USP25: variants seen among roughly 807,000 people sequenced by gnomAD.
USP25 encodes ubiquitin specific peptidase 25.
Under a neutral mutation model 158.5 loss-of-function variants are expected in USP25, and 85 were observed. The observed-to-expected ratio is 0.54, with a 90% confidence interval of 0.45 to 0.64. USP25 has a LOEUF of 0.64. USP25 is among the 30% of genes least tolerant of loss of function. USP25 has a pLI of 0.00. For missense variants in USP25, 1,242 were observed against 1,327.3 expected (o/e 0.94, Z 1.00); for synonymous variants, 464 against 460.4 (o/e 1.01, Z -0.10).
At position 15,849,775 on chromosome 21, in the gene USP25, A is replaced by G. The variant is rs2038798383; in HGVS notation, c.2452-2A>G. ...TTTAATGTTAACTATCTTCTGTGGC[A>G]GATCATGATGACACCGAACATGCAA... On this transcript the variant is annotated splice_acceptor_variant, in intron 19 of 25. Transcript: ENST00000400183. LOFTEE classifies it high-confidence loss of function. 1 of 1,526,062 alleles carries G rather than the reference A, an allele frequency of 6.6e-7. No homozygotes were observed. The highest frequency in any genetic ancestry group is 8.8e-7 in the Non-Finnish European group (1 of 1,138,414). 94.5% of individuals were successfully genotyped at this position (1,526,062 alleles called of 1,614,324 possible).
chr21:15,843,804 A>C lies in USP25; in HGVS notation c.2337+1264A>C, dbSNP rs1214072301. On this transcript the variant is annotated intron_variant, in intron 18 of 25. Coordinates refer to ENST00000400183, the MANE Select transcript of USP25 (RefSeq NM_001283041.3). The surrounding 1 kb of genome is among the most constrained non-coding windows in gnomAD (Gnocchi z 4.0). ...TTTGTCTGACAAAAACTGCATTTGC[A>C]AGGCCTCTGCTAATTAGAACTTTTA... is the stretch of plus-strand genomic sequence containing the variant. 6.6e-6 allele frequency among the ~76,000 whole-genome samples: 1 copy of C among 152,188 alleles called. No homozygotes were observed. Among genetic ancestry groups the C allele is most frequent in the Non-Finnish European group, 1.5e-5 (1 of 68,012 alleles).
intron 8 of USP25, among the ~76,000 whole-genome samples, chr21:15,810,501 T>C (rs917550496): frequency 6.6e-6 from 1 of 152,200 alleles, no homozygotes; most frequent in Non-Finnish European, 1.5e-5. Context: ...TTTCAACTTT[T>C]GTTTGCTCCA....
Position 15,826,331 on chromosome 21 carries a change from C to G in USP25, c.1432C>G (p.Pro478Ala). ...PVDDIDASSP[P>A]SGSIPSQTLP... is the part of the protein sequence containing the mutation. Reference sequence around the variant, plus strand: ...TGACGATATTGACGCTAGTTCCCCACCTAGTGGTTCCATACCATCACAGAC... The same window carrying G: ...TGACGATATTGACGCTAGTTCCCCAGCTAGTGGTTCCATACCATCACAGAC... Residue 478 changes from proline (P) to alanine (A), a missense_variant, in exon 13 of 26, where the codon CCT (proline) becomes GCT (alanine). Pro to Ala is a conservative substitution (Grantham distance 27). Around this residue, in one of 3 missense-constraint regions of USP25, gnomAD observed 627 missense variants for 701.4 expected, o/e 0.89. Coordinates refer to ENST00000400183, the MANE Select transcript of USP25 (RefSeq NM_001283041.3). The surrounding 1 kb of genome is among the most constrained non-coding windows in gnomAD (Gnocchi z 4.8). 6.2e-7 allele frequency: 1 copy of G among 1,613,988 alleles called. No homozygotes were observed. The highest frequency in any genetic ancestry group is 8.5e-7 in the Non-Finnish European group (1 of 1,179,920).
chr21:15,764,121 A>G (rs2033896708), intron 2 of USP25, among the ~76,000 whole-genome samples: 1 of 152,160 alleles, frequency 6.6e-6, no homozygotes, highest in Non-Finnish European at 1.5e-5. Context: ...CACTGTAAGT[A>G]TTTGGAGAGG....
intron 20 of USP25, among the ~76,000 whole-genome samples, chr21:15,853,650 T>C (rs948506730): frequency 1.3e-5 from 2 of 152,236 alleles, no homozygotes; most frequent in African/African-American, 4.8e-5. Context: ...ATTCAAATGC[T>C]TACTGTTTAA....
intron 3 of USP25, among the ~76,000 whole-genome samples, chr21:15,775,081 T>G (rs2034559836): frequency 6.6e-6 from 1 of 152,208 alleles, no homozygotes; most frequent in Non-Finnish European, 1.5e-5. Flanking sequence ...GACTTAAATT[T>G]TGAAGCCTGT....
At chr21:15,840,711 T>C (rs76134316) in intron 17 of USP25, among the ~76,000 whole-genome samples, 1,758 of 152,302 alleles carry the variant, frequency 0.012, 35 homozygotes, top group African/African-American at 0.041. Context: ...CATGTGTTGA[T>C]CAGATAACAT....
intron 9 of USP25, among the ~76,000 whole-genome samples, chr21:15,817,497 A>G (rs966621053): frequency 5.3e-5 from 8 of 152,170 alleles, no homozygotes; most frequent in Non-Finnish European, 1.2e-4. Flanking sequence ...AGATTTAACC[A>G]TTCAGTGACT....
intron 3 of USP25, among the ~76,000 whole-genome samples, chr21:15,776,972 C>A (rs1048377642): frequency 6.3e-4 from 96 of 152,132 alleles, no homozygotes; most frequent in African/African-American, 2.1e-3. Flanking sequence ...TATTTTGTAA[C>A]CTGTTACCAC....
chr21:15,730,974 C>CTTTTTTTTTTTTTTTTTTT (rs1420306163), intron 1 of USP25, among the ~76,000 whole-genome samples: 1 of 60,346 alleles, frequency 1.7e-5, no homozygotes, highest in African/African-American at 7.7e-5. Context: ...TTCTTCTTTT[C>CTTTTTTTTTTTTTTTTTTT]TGTTTTTTTT....
chr21:15,856,088 A>G lies in USP25; in HGVS notation c.2547+6216A>G, dbSNP rs563020036. On this transcript the variant is annotated intron_variant, in intron 20 of 25. Transcript: ENST00000400183. ...GGTATTGCCTGTTTATATGCAGGGCATTGTCCTAAATCCAGGGATGTAGCT... is the reference window on the plus strand; with the variant it reads ...GGTATTGCCTGTTTATATGCAGGGCGTTGTCCTAAATCCAGGGATGTAGCT... Among the ~76,000 whole-genome samples the G allele has an allele frequency of 1.6e-4, 25 of 152,284 alleles. No homozygotes were observed. In the South Asian group the frequency reaches 4.4e-3, roughly 27 times the overall value.
chr21:15,867,096 G>A (rs538731517), intron 22 of USP25, among the ~76,000 whole-genome samples: 2 of 152,096 alleles, frequency 1.3e-5, no homozygotes, highest in African/African-American at 4.8e-5. Context: ...GTGCTTGTGG[G>A]ATTTTTTTGT....
rs959395409 is a variant in USP25, at chr21:15,878,666, A to C, written c.*191A>C. 3 of 488,834 alleles carry C rather than the reference A, an allele frequency of 6.1e-6. No individual in the cohort carries two copies. Among genetic ancestry groups the C allele is most frequent in the African/African-American group, 6.0e-5 (3 of 50,270 alleles). 30.3% of individuals were successfully genotyped at this position (488,834 alleles called of 1,614,324 possible). ...TAAAGCTGAAAATCGCATGGCGCTC[A>C]GACATTTTAACCGGAACTGATGTAT... On this transcript the variant is annotated 3_prime_UTR_variant, in exon 26 of 26. Coordinates refer to ENST00000400183, the MANE Select transcript of USP25 (RefSeq NM_001283041.3).
chr21:15,762,806 G>A (rs1375850781), intron 1 of USP25, 85 bp from the exon 2 acceptor site: 1 of 1,275,088 alleles, frequency 7.8e-7, no homozygotes, highest in Middle Eastern at 2.0e-4. Flanking sequence ...TGTTTGTTTT[G>A]GAAAACCAAA....
chr21:15,856,129 T>G (rs545051178), intron 20 of USP25, among the ~76,000 whole-genome samples: 6 of 152,238 alleles, frequency 3.9e-5, no homozygotes, highest in Non-Finnish European at 8.8e-5. Context: ...AATGATGGAC[T>G]GAGTTCCTAC....
chr21:15,809,852 AACAT>A (rs754529541), intron 8 of USP25, among the ~76,000 whole-genome samples: 1 of 152,194 alleles, frequency 6.6e-6, no homozygotes, highest in Non-Finnish European at 1.5e-5. Context: ...CATATGGTGT[AACAT>A]GACCCCTTGA....
chr21:15,860,095 T>C (rs1338144287), intron 20 of USP25, among the ~76,000 whole-genome samples: 1 of 151,464 alleles, frequency 6.6e-6, no homozygotes, highest in African/African-American at 2.4e-5. Context: ...TTCAAGTGAT[T>C]CTCCTGCCTC....
chr21:15,806,598 A>G (rs972624049), intron 7 of USP25, among the ~76,000 whole-genome samples: 1 of 152,150 alleles, frequency 6.6e-6, no homozygotes, highest in African/African-American at 2.4e-5. Context: ...AGGCCACAAT[A>G]TAAATGCTTT....
rs553734303 is a variant in USP25 at position 15,771,417 on chromosome 21, G to T, written c.268+5276G>T. Among the ~76,000 whole-genome samples the T allele has an allele frequency of 9.9e-5, 15 of 152,222 alleles. No homozygotes were observed. The South Asian group carries it at 2.7e-3, about 27-fold the overall frequency. ...GATTTTAGGTAGTGTGGAAGAGCTC[G>T]TATTTGTACAGATACCTGAGCGAAG... On this transcript the variant is annotated intron_variant, in intron 3 of 25. Transcript: ENST00000400183.
Sources: gnomAD v4.1 joint callset for allele counts (sites outside exome capture counted in the v4.1 genomes callset) on GRCh38, gnomAD v4.1.1 for gene constraint, gnomAD v4.1.1 regional missense constraint, Gnocchi (gnomAD v3.1) non-coding constraint, MANE v1.5 for transcripts, NCBI Gene and HGNC (gene_info 2026-07-23, HGNC 2026-07-21) for gene names.